PLEKHG1: variants seen among roughly 807,000 people sequenced by gnomAD.
PLEKHG1 encodes pleckstrin homology and RhoGEF domain containing G1.
In PLEKHG1, 44 loss-of-function variants were observed where a neutral mutation model predicts 100.8. The observed-to-expected ratio is 0.44, with a 90% CI of 0.34 to 0.56. PLEKHG1 has a LOEUF of 0.56. Among genes scored for constraint, PLEKHG1 ranks in the 20% least tolerant of loss-of-function variants. The pLI is 0.01. For missense variants in PLEKHG1, 1,545 were observed against 1,720.9 expected (o/e 0.90, Z 1.81); for synonymous variants, 640 against 662.5 (o/e 0.97, Z 0.52).
At chr6:150,709,104 C>T (rs911350750) in intron 3 of PLEKHG1, among the ~76,000 whole-genome samples, 19 of 152,116 alleles carry the variant, frequency 1.2e-4, no homozygotes, top group Non-Finnish European at 2.6e-4. Context: ...GAAGCCGAGG[C>T]GGACGGAACA....
intron 3 of PLEKHG1, among the ~76,000 whole-genome samples, chr6:150,697,385 G>A (rs897787943): frequency 2.8e-4 from 42 of 152,156 alleles, no homozygotes; most frequent in African/African-American, 1.0e-3. Flanking sequence ...AGCTCTTGAA[G>A]CTTCCTTGGA....
chr6:150,782,253 A>C lies in PLEKHG1; in HGVS notation c.513-4137A>C, dbSNP rs536335743. On this transcript the variant is annotated intron_variant, in intron 3 of 15. Coordinates refer to ENST00000358517, the Ensembl canonical transcript of PLEKHG1. Reference sequence around the variant, plus strand: ...GCCAACATGGTGAAACCCTGTCTCTACTAAAAATAGAAAAGTTAGCTGGGC... The same window carrying C: ...GCCAACATGGTGAAACCCTGTCTCTCCTAAAAATAGAAAAGTTAGCTGGGC... Among the ~76,000 whole-genome samples, 4 of 152,176 alleles carry C rather than the reference A, an allele frequency of 2.6e-5. No homozygotes were observed. In the South Asian group the frequency reaches 8.3e-4, roughly 32 times the overall value.
Position 150,811,259 on chromosome 6 carries a change from A to G in PLEKHG1, c.1278+1525A>G, listed in dbSNP as rs189655876. On this transcript the variant is annotated intron_variant, in intron 10 of 15. Transcript: ENST00000358517. ...GGAAAACATCTTTTACCTCAGTCTT[A>G]AAGGATAGGGAATGTTTTTTTTTTT... Among the ~76,000 whole-genome samples, 760 of 116,194 alleles carry G rather than the reference A, an allele frequency of 6.5e-3. 5 individuals are homozygous for G. The highest frequency in any genetic ancestry group is 8.1e-3 in the Non-Finnish European group (473 of 58,232). The allele number at this position is 116,194 out of a possible 152,430, so 76.2% of individuals were successfully genotyped here. A position where few individuals can be genotyped will look rare whatever the true frequency, so the allele number is the denominator to read the frequency against.
intron 1 of PLEKHG1, among the ~76,000 whole-genome samples, chr6:150,621,567 G>A (rs1777302721): frequency 6.6e-6 from 1 of 152,054 alleles, no homozygotes. Context: ...TAGAGTCGGG[G>A]TTTCACCATG....
chr6:150,758,738 T>C (rs1326914196), intron 2 of PLEKHG1, among the ~76,000 whole-genome samples: 1 of 152,246 alleles, frequency 6.6e-6, no homozygotes, highest in African/African-American at 2.4e-5. Context: ...TTGAGCTTTT[T>C]TTCATATGTT....
At chr6:150,744,906 ATATAT>A (rs977054032) in intron 2 of PLEKHG1, among the ~76,000 whole-genome samples, 8 of 152,310 alleles carry the variant, frequency 5.3e-5, no homozygotes, top group African/African-American at 1.7e-4. Flanking sequence ...TGATCTGAAA[ATATAT>A]TATACACAGG....
At chr6:150,821,080 C>G in intron 12 of PLEKHG1, 115 bp from the exon 14 acceptor site, 1 of 769,140 alleles carries the variant, frequency 1.3e-6, no homozygotes, top group Non-Finnish European at 2.2e-6. Context: ...AAATTTGATA[C>G]AAAAGTTATA....
intron 3 of PLEKHG1, among the ~76,000 whole-genome samples, chr6:150,667,087 G>T (rs1238502109): frequency 6.6e-6 from 1 of 151,942 alleles, no homozygotes; most frequent in Non-Finnish European, 1.5e-5. Context: ...TCTCCAAAAG[G>T]GGGTGTGTGT....
intron 4 of PLEKHG1, among the ~76,000 whole-genome samples, chr6:150,793,539 A>G (rs1224142737): frequency 6.6e-6 from 1 of 152,242 alleles, no homozygotes; most frequent in East Asian, 1.9e-4. Flanking sequence ...ATAAAGTATT[A>G]GAAATACCAC....
intron 12 of PLEKHG1, among the ~76,000 whole-genome samples, chr6:150,820,723 G>A (rs144524212): frequency 0.019 from 2,932 of 152,084 alleles, 99 homozygotes; most frequent in African/African-American, 0.066. Context: ...AAATTAGCCT[G>A]GCATGTTGGC....
chr6:150,840,456 C>A lies in PLEKHG1; in HGVS notation c.3718C>A (p.Leu1240Ile), dbSNP rs767412345. ...ACAGGGCACTGAAAAACTCTCAGATCTCACACTCCAAGACTCACAGAAAGT... is the reference window on the plus strand; with the variant it reads ...ACAGGGCACTGAAAAACTCTCAGATATCACACTCCAAGACTCACAGAAAGT... Residue 1240 changes from leucine to isoleucine, a missense_variant, in exon 16 of 16, where the codon CTC becomes ATC. Coordinates refer to ENST00000358517, the Ensembl canonical transcript of PLEKHG1. The A allele has an allele frequency of 7.4e-6, 12 of 1,614,060 alleles. No individual in the cohort carries two copies. The South Asian group carries it at 1.2e-4, about 16-fold the overall frequency.
chr6:150,823,546 G>A (rs981532874), intron 13 of PLEKHG1, 108 bp from the exon 15 acceptor site: 32 of 733,508 alleles, frequency 4.4e-5, no homozygotes, highest in South Asian at 4.3e-4. Context: ...AGTCACTTGG[G>A]CTTCAATTAC....
intron 3 of PLEKHG1, among the ~76,000 whole-genome samples, chr6:150,703,984 G>C (rs1219608146): frequency 6.6e-6 from 1 of 152,190 alleles, no homozygotes; most frequent in Non-Finnish European, 1.5e-5. Context: ...GTTTGACATA[G>C]TAGAGCCTTT....
At chr6:150,732,491 C>A (rs1320909337) in intron 1 of PLEKHG1, among the ~76,000 whole-genome samples, 1 of 152,214 alleles carries the variant, frequency 6.6e-6, no homozygotes, top group Middle Eastern at 3.2e-3. Context: ...CATTCTGAGA[C>A]ATGTTGTCGG....
At chr6:150,829,615 C>T (rs1476901679) in intron 14 of PLEKHG1, among the ~76,000 whole-genome samples, 1 of 151,936 alleles carries the variant, frequency 6.6e-6, no homozygotes, top group Non-Finnish European at 1.5e-5. Context: ...GGCGACAGAG[C>T]GAGATTCTGT....
chr6:150,695,304 TA>T (rs1472281752), intron 3 of PLEKHG1, among the ~76,000 whole-genome samples: 1 of 152,226 alleles, frequency 6.6e-6, no homozygotes, highest in East Asian at 1.9e-4. Context: ...TTGAAAAACT[TA>T]AAAGCTCCAA....
chr6:150,675,634 G>T lies in PLEKHG1; in HGVS notation c.-99+24848G>T, dbSNP rs376595267. Among the ~76,000 whole-genome samples, 9 of 152,334 alleles carry T rather than the reference G, an allele frequency of 5.9e-5. No individual in the cohort carries two copies. In the South Asian group the frequency reaches 1.9e-3, roughly 32 times the overall value. Reference sequence around the variant, plus strand: ...CTCCCTCTGTCACCCAGGCTGGAGTGCAGAGGTGTGATTGGCTAATTTCTG... The same window carrying T: ...CTCCCTCTGTCACCCAGGCTGGAGTTCAGAGGTGTGATTGGCTAATTTCTG... On this transcript the variant is annotated intron_variant, in intron 3 of 3. Coordinates refer to the PLEKHG1 transcript ENST00000367326.
intron 1 of PLEKHG1, among the ~76,000 whole-genome samples, chr6:150,616,912 C>T (rs892518825): frequency 7.3e-6 from 1 of 137,256 alleles, no homozygotes; most frequent in Non-Finnish European, 1.6e-5. Context: ...ATAAAAATCA[C>T]TGGTAAATGT....
At chr6:150,736,012 A>C (rs1332175096) in intron 2 of PLEKHG1, among the ~76,000 whole-genome samples, 1 of 152,254 alleles carries the variant, frequency 6.6e-6, no homozygotes, top group Non-Finnish European at 1.5e-5. Flanking sequence ...TTCATGAATC[A>C]ACTGTGTTTT....
Sources: gnomAD v4.1 joint callset for allele counts (sites outside exome capture counted in the v4.1 genomes callset) on GRCh38, gnomAD v4.1.1 for gene constraint, MANE v1.5 for transcripts, NCBI Gene and HGNC (gene_info 2026-07-23, HGNC 2026-07-21) for gene names.